TYW1: variants seen among roughly 807,000 people sequenced by gnomAD.
TYW1 encodes tRNA-yW synthesizing protein 1 homolog.
TYW1 carries 46 observed loss-of-function variants against 96.2 expected under a neutral mutation model. The ratio of observed to expected loss-of-function variants is 0.48; its 90% CI spans 0.38 to 0.61. The LOEUF (loss-of-function observed/expected upper bound fraction) is 0.61. TYW1 is among the 20% of genes least tolerant of loss of function. The probability of loss-of-function intolerance (pLI) is 0.00; values close to 1 mark genes in which losing one functional copy is unlikely to be tolerated. For missense variants in TYW1, 684 were observed against 909.6 expected (o/e 0.75, Z 3.19); for synonymous variants, 274 against 323.0 (o/e 0.85, Z 1.63).
intron 10 of TYW1, among the ~76,000 whole-genome samples, chr7:67,075,833 G>C (rs1796184936): frequency 6.6e-6 from 1 of 152,070 alleles, no homozygotes. Flanking sequence ...TGAAGTAGAG[G>C]CTCCTCTTCA....
intron 13 of TYW1, among the ~76,000 whole-genome samples, chr7:67,130,638 TG>T (rs1456825416): frequency 6.6e-6 from 1 of 151,100 alleles, no homozygotes; most frequent in Non-Finnish European, 1.5e-5. Flanking sequence ...CACTCCAGCC[TG>T]GGCGACAGAG....
At chr7:67,150,713 A>G (rs1798767361) in intron 13 of TYW1, among the ~76,000 whole-genome samples, 1 of 152,024 alleles carries the variant, frequency 6.6e-6, no homozygotes, top group African/African-American at 2.4e-5. Flanking sequence ...AGATTCTCCT[A>G]CAGCATCCAC....
intron 12 of TYW1, among the ~76,000 whole-genome samples, chr7:67,112,031 A>T (rs1797422287): frequency 7.0e-6 from 1 of 143,870 alleles, no homozygotes; most frequent in South Asian, 2.2e-4. Context: ...CCTGGGAGGC[A>T]GAGGTTGCAG....
Position 67,239,234 on chromosome 7 carries a change from G to A in TYW1, c.*705G>A. 8 of 985,066 alleles carry A rather than the reference G, an allele frequency of 8.1e-6. No homozygotes were observed. Among genetic ancestry groups the A allele is most frequent in the Non-Finnish European group, 9.6e-6 (8 of 829,634 alleles). The allele number at this position is 985,066 out of a possible 1,614,324, so 61.0% of individuals were successfully genotyped here. ...CTGTAAGAGGAGTGGCCATGTGAGG[G>A]CATGGAGTCATTAGTCTCACAAACA... On this transcript the variant is annotated 3_prime_UTR_variant, in exon 16 of 16. Transcript: ENST00000359626.
chr7:67,173,595 C>A (rs1358250867), intron 13 of TYW1, among the ~76,000 whole-genome samples: 1 of 149,612 alleles, frequency 6.7e-6, no homozygotes, highest in Non-Finnish European at 1.5e-5. Flanking sequence ...CGTTTTATTT[C>A]TTTCTTCCAA....
rs138929907 is a variant in TYW1 at position 67,145,078 on chromosome 7, C to G, written c.1698+27460C>G. 5.3e-3 allele frequency among the ~76,000 whole-genome samples: 664 copies of G among 126,006 alleles called. 1 individual carries two copies. Among genetic ancestry groups the G allele is most frequent in the Middle Eastern group, 0.013 (3 of 228 alleles). The allele number at this position is 126,006 out of a possible 152,430, so 82.7% of individuals were successfully genotyped here. Reference sequence around the variant, plus strand: ...TTGTTTTTTTGTTTTCAGTTGTTAGCAGTCTTTTACATATTTTACAGACCA... The same window carrying G: ...TTGTTTTTTTGTTTTCAGTTGTTAGGAGTCTTTTACATATTTTACAGACCA... On this transcript the variant is annotated intron_variant, in intron 13 of 15. Transcript: ENST00000359626.
At chr7:67,111,047 G>A (rs6973163) in intron 12 of TYW1, among the ~76,000 whole-genome samples, 26,491 of 151,900 alleles carry the variant, frequency 0.17, 2,695 homozygotes, top group African/African-American at 0.28. Flanking sequence ...TAAAGAAACC[G>A]ACAAGATATA....
intron 7 of TYW1, among the ~76,000 whole-genome samples, chr7:67,037,042 A>C (rs1373588516): frequency 6.6e-6 from 1 of 152,184 alleles, no homozygotes; most frequent in African/African-American, 2.4e-5. Flanking sequence ...TTGAGCCTTC[A>C]TTAGCTAGGC....
intron 11 of TYW1, among the ~76,000 whole-genome samples, chr7:67,096,932 A>T (rs1035167776): frequency 6.6e-6 from 1 of 152,202 alleles, no homozygotes; most frequent in Non-Finnish European, 1.5e-5. Context: ...ACCAAGCTGC[A>T]TGCTGGAATC....
chr7:67,094,638 G>A (rs1563009644), intron 11 of TYW1, among the ~76,000 whole-genome samples: 3 of 139,188 alleles, frequency 2.2e-5, no homozygotes, highest in Non-Finnish European at 4.6e-5. Context: ...GAGGAAGAGA[G>A]AGAGAGAATT....
chr7:67,223,688 AGT>A (rs111638571), intron 15 of TYW1, among the ~76,000 whole-genome samples: 1 of 151,600 alleles, frequency 6.6e-6, no homozygotes, highest in African/African-American at 2.4e-5. Flanking sequence ...TTTTGAAGAC[AGT>A]GTTCTTATTG....
chr7:67,037,347 A>T (rs976616179), intron 7 of TYW1, among the ~76,000 whole-genome samples: 6 of 152,076 alleles, frequency 3.9e-5, no homozygotes, highest in Non-Finnish European at 5.9e-5. Context: ...ACTAAATAAA[A>T]AAAAGAATTA....
At chr7:67,105,630 CTGTTTCT>C (rs1322108289) in intron 12 of TYW1, among the ~76,000 whole-genome samples, 1 of 152,186 alleles carries the variant, frequency 6.6e-6, no homozygotes, top group East Asian at 1.9e-4. Flanking sequence ...TCCCGTCTTG[CTGTTTCT>C]TCAGCCCTGA....
At chr7:67,063,871 G>GA (rs397889019) in intron 9 of TYW1, among the ~76,000 whole-genome samples, 2 of 151,694 alleles carry the variant, frequency 1.3e-5, no homozygotes, top group African/African-American at 2.4e-5. Flanking sequence ...CAAAGTGCTG[G>GA]ATTACAGGCG....
At chr7:67,161,836 A>G in intron 13 of TYW1, among the ~76,000 whole-genome samples, 1 of 152,108 alleles carries the variant, frequency 6.6e-6, no homozygotes, top group Non-Finnish European at 1.5e-5. Flanking sequence ...TGTCAGACAT[A>G]AAGTAGACTG....
In TYW1 at chr7:67,148,697, C is replaced by G. The variant is rs1798692335; in HGVS notation, c.1698+31079C>G. Among the ~76,000 whole-genome samples the G allele has an allele frequency of 1.3e-5, 2 of 152,094 alleles. 1 individual carries two copies. Among genetic ancestry groups the G allele is most frequent in the South Asian group, 4.1e-4 (2 of 4,820 alleles). ...CCGCCCACCTTGGCCTCCCAAAATG[C>G]TGGGATTACAGGCGTGAGCCACTGT... On this transcript the variant is annotated intron_variant, in intron 13 of 15. Transcript: ENST00000359626.
rs559389921 is a variant in TYW1, at chr7:67,078,175, A to G, written c.1275-5255A>G. ...CAATGATGTGATCTCAGCTCACTGC[A>G]ACATCCACCTGCCCGGTTCAAGTGA... On this transcript the variant is annotated intron_variant, in intron 10 of 15. Coordinates refer to ENST00000359626, the MANE Select transcript of TYW1 (RefSeq NM_018264.4). 2.6e-5 allele frequency among the ~76,000 whole-genome samples: 4 copies of G among 151,872 alleles called. No individual in the cohort carries two copies. The East Asian group carries it at 7.7e-4, about 29-fold the overall frequency.
intron 3 of TYW1, among the ~76,000 whole-genome samples, chr7:67,000,029 G>A (rs12539604): frequency 3.3e-5 from 5 of 151,404 alleles, no homozygotes; most frequent in Admixed American, 1.3e-4. Flanking sequence ...TCTGCCTCTC[G>A]GGCTCAAGGC....
At chr7:67,131,378 T>A (rs1212505176) in intron 13 of TYW1, among the ~76,000 whole-genome samples, 3 of 152,236 alleles carry the variant, frequency 2.0e-5, no homozygotes, top group Non-Finnish European at 2.9e-5. Flanking sequence ...ATACAGTGAA[T>A]AAGATAGTAA....
Sources: gnomAD v4.1 joint callset for allele counts (sites outside exome capture counted in the v4.1 genomes callset) on GRCh38, gnomAD v4.1.1 for gene constraint, MANE v1.5 for transcripts, NCBI Gene and HGNC (gene_info 2026-07-23, HGNC 2026-07-21) for gene names.